The following SNTG2 variants were observed in gnomAD, a reference collection of about 807,000 sequenced individuals.
SNTG2 encodes the protein syntrophin gamma 2.
Under a neutral mutation model 70.9 loss-of-function variants are expected in SNTG2, and 74 were observed. The ratio of observed to expected loss-of-function variants is 1.04; its 90% CI spans 0.86 to 1.27. The LOEUF (loss-of-function observed/expected upper bound fraction) is 1.27. Ranked by LOEUF, SNTG2 falls within the 50% of genes most tolerant of loss-of-function variation. The pLI is 0.00. For synonymous variants in SNTG2, 278 were observed against 273.8 expected (o/e 1.02, Z -0.15); for missense variants, 717 against 690.7 (o/e 1.04, Z -0.43).
chr2:1,066,165 C>G (rs1228475811), intron 1 of SNTG2, among the ~76,000 whole-genome samples: 1 of 152,112 alleles, frequency 6.6e-6, no homozygotes, highest in Non-Finnish European at 1.5e-5. Flanking sequence ...CATAAAAATC[C>G]ATGCTTCAGA....
intron 4 of SNTG2, among the ~76,000 whole-genome samples, chr2:1,123,721 CT>C (rs1318143872): frequency 6.6e-6 from 1 of 152,190 alleles, no homozygotes; most frequent in Non-Finnish European, 1.5e-5. Context: ...CTACATCAAA[CT>C]GAAGTTCCTG....
intron 4 of SNTG2, among the ~76,000 whole-genome samples, chr2:1,114,087 T>G (rs914298201): frequency 1.3e-5 from 2 of 151,454 alleles, no homozygotes; most frequent in Non-Finnish European, 2.9e-5. Flanking sequence ...TCATGTGTAC[T>G]AAGTGAGGGT....
chr2:1,119,061 T>C (rs1045505975), intron 4 of SNTG2, among the ~76,000 whole-genome samples: 8 of 152,300 alleles, frequency 5.3e-5, no homozygotes, highest in African/African-American at 1.9e-4. Flanking sequence ...GAATCTCCAT[T>C]AGTCTATCAG....
At chr2:1,095,244 C>T (rs1040697260) in intron 2 of SNTG2, among the ~76,000 whole-genome samples, 8 of 152,176 alleles carry the variant, frequency 5.3e-5, no homozygotes, top group East Asian at 1.9e-4. Flanking sequence ...GACTTCAACA[C>T]GGATTTTAGG....
At position 1,280,223 on chromosome 2, in the gene SNTG2, T is replaced by C. The variant is rs142221105; in HGVS notation, c.1284+12652T>C. The stretch of plus-strand genomic sequence containing the variant: ...ACCTAAGAGAAAGTCAGGTGAAATA[T>C]TGAATAACATTAGATTAGAGTAGAT... On this transcript the variant is annotated intron_variant, in intron 14 of 16. Coordinates refer to ENST00000308624, the MANE Select transcript of SNTG2 (RefSeq NM_018968.4). Among the ~76,000 whole-genome samples the C allele has an allele frequency of 6.4e-3, 979 of 152,320 alleles. 6 individuals are homozygous for C. Among genetic ancestry groups the C allele is most frequent in the Non-Finnish European group, 0.011 (782 of 68,016 alleles).
intron 1 of SNTG2, among the ~76,000 whole-genome samples, chr2:967,726 G>A (rs1039935225): frequency 1.3e-5 from 2 of 152,104 alleles, no homozygotes; most frequent in African/African-American, 2.4e-5. Context: ...CTGTCCATAC[G>A]AATTAGAAAG....
chr2:1,347,013 A>G (rs1660324410), intron 16 of SNTG2, among the ~76,000 whole-genome samples: 1 of 152,176 alleles, frequency 6.6e-6, no homozygotes, highest in Non-Finnish European at 1.5e-5. Context: ...TAATTAAAAA[A>G]AAAATCTGTT....
intron 14 of SNTG2, among the ~76,000 whole-genome samples, chr2:1,300,875 T>C (rs1033205048): frequency 2.0e-5 from 3 of 152,186 alleles, no homozygotes; most frequent in Admixed American, 6.5e-5. Context: ...TTTTAATCTT[T>C]ATTATCTGGA....
At chr2:1,244,552 A>C (rs574968363) in intron 11 of SNTG2, among the ~76,000 whole-genome samples, 182 of 151,870 alleles carry the variant, frequency 1.2e-3, no homozygotes, top group South Asian at 2.5e-3. Context: ...AAAAATTAGC[A>C]GGGCGTGGTG....
At chr2:1,062,087 C>T (rs1662864024) in intron 1 of SNTG2, among the ~76,000 whole-genome samples, 1 of 151,958 alleles carries the variant, frequency 6.6e-6, no homozygotes, top group African/African-American at 2.4e-5. Context: ...AACACAAATG[C>T]TACAATGAAG....
intron 1 of SNTG2, among the ~76,000 whole-genome samples, chr2:999,035 C>A (rs1420949281): frequency 6.6e-6 from 1 of 152,036 alleles, no homozygotes; most frequent in African/African-American, 2.4e-5. Context: ...AATTTTATAT[C>A]TTGCTACACT....
intron 1 of SNTG2, among the ~76,000 whole-genome samples, chr2:966,141 C>T (rs1250316086): frequency 6.6e-6 from 1 of 152,242 alleles, no homozygotes; most frequent in Non-Finnish European, 1.5e-5. Flanking sequence ...GACCAGAACC[C>T]ACCTTGTCCC....
At chr2:1,222,250 G>C (rs1246409194) in intron 9 of SNTG2, among the ~76,000 whole-genome samples, 2 of 151,482 alleles carry the variant, frequency 1.3e-5, no homozygotes, top group African/African-American at 4.9e-5. Flanking sequence ...TTTTCATTTT[G>C]ACTGTAAGGG....
chr2:1,287,959 T>TGGAGCACCTGAGGC (rs11274784), intron 14 of SNTG2, among the ~76,000 whole-genome samples: 128,959 of 151,678 alleles, frequency 0.85, 55,101 homozygotes, highest in East Asian at 0.92. Flanking sequence ...GGACCCGGGG[T>TGGAGCACCTGAGGC]GGAGCACCTG....
intron 9 of SNTG2, among the ~76,000 whole-genome samples, chr2:1,229,900 G>A (rs1676085876): frequency 1.3e-5 from 2 of 152,208 alleles, no homozygotes; most frequent in Admixed American, 1.3e-4. Context: ...TGCGGAGCCC[G>A]CCAAGCCTAC....
chr2:1,314,966 A>G (rs1209505478), intron 15 of SNTG2, among the ~76,000 whole-genome samples: 1 of 152,226 alleles, frequency 6.6e-6, no homozygotes, highest in African/African-American at 2.4e-5. Context: ...TCCCTCCCAT[A>G]ACAATTCAAG....
chr2:1,139,556 T>C (rs933185406), intron 6 of SNTG2, among the ~76,000 whole-genome samples: 2 of 152,170 alleles, frequency 1.3e-5, no homozygotes, highest in Admixed American at 6.5e-5. Flanking sequence ...TTTGCACCAG[T>C]TGCTCACAAC....
At chr2:1,293,996 T>C (rs1039030261) in intron 14 of SNTG2, among the ~76,000 whole-genome samples, 4 of 152,162 alleles carry the variant, frequency 2.6e-5, no homozygotes, top group Admixed American at 6.6e-5. Context: ...GGGGTCCAAG[T>C]CAGACGGTGC....
At chr2:1,031,528 A>ATATATATATATATATATATTTTTTTTTT in intron 1 of SNTG2, among the ~76,000 whole-genome samples, 7 of 59,102 alleles carry the variant, frequency 1.2e-4, no homozygotes, top group African/African-American at 2.5e-4. Flanking sequence ...ATATATATAT[A>ATATATATATATATATATATTTTTTTTTT]TTTTTTTTTT....
Sources: allele counts gnomAD v4.1 joint callset (sites outside exome capture counted in the v4.1 genomes callset), GRCh38; gene constraint gnomAD v4.1.1; transcripts MANE v1.5; gene names NCBI Gene and HGNC (gene_info 2026-07-23, HGNC 2026-07-21).